COLEC12: variants seen among roughly 807,000 people sequenced by gnomAD.
COLEC12 encodes collectin-12.
A neutral mutation model predicts 71.1 loss-of-function variants in COLEC12; 33 were observed. The ratio of observed to expected loss-of-function variants is 0.46; its 90% confidence interval spans 0.35 to 0.62. The LOEUF (loss-of-function observed/expected upper bound fraction) is 0.62. Ranked by LOEUF, COLEC12 falls within the 20% of genes least tolerant of loss-of-function variation. The pLI is 0.00. For missense variants in COLEC12, 765 were observed against 916.1 expected (o/e 0.84, Z 2.13); for synonymous variants, 350 against 353.0 (o/e 0.99, Z 0.10).
chr18:406,275 C>T lies in COLEC12; in HGVS notation c.59-48753G>A, dbSNP rs371648375. 4.6e-4 allele frequency among the ~76,000 whole-genome samples: 70 copies of T among 152,136 alleles called. No individual in the cohort carries two copies. In the East Asian group the frequency reaches 0.012, roughly 25 times the overall value. ...CTGTAATCCCAGCACTTTGGGAGGC[C>T]GAGGCGGGTGGATCATGAGGTCAGG... On this transcript the variant is annotated intron_variant, in intron 2 of 9. Transcript: ENST00000400256.
At chr18:473,594 C>G (rs1256371363) in intron 2 of COLEC12, among the ~76,000 whole-genome samples, 1 of 152,166 alleles carries the variant, frequency 6.6e-6, no homozygotes, top group Non-Finnish European at 1.5e-5. Flanking sequence ...AACCCCTGAC[C>G]TCAGGTGATC....
intron 2 of COLEC12, chr18:424,460 T>C (rs2093572210): frequency 1.3e-5 from 2 of 152,246 alleles, no homozygotes; most frequent in African/African-American, 2.4e-5. Flanking sequence ...CTTGTTTAAA[T>C]GGTGCAGCCT....
At chr18:458,290 C>T (rs1175421580) in intron 2 of COLEC12, among the ~76,000 whole-genome samples, 4 of 152,188 alleles carry the variant, frequency 2.6e-5, no homozygotes, top group Non-Finnish European at 5.9e-5. Flanking sequence ...ATTTTTGCTT[C>T]TCATGTTAAG....
At chr18:341,985 T>C (rs1400668352) in intron 5 of COLEC12, among the ~76,000 whole-genome samples, 1 of 152,236 alleles carries the variant, frequency 6.6e-6, no homozygotes, top group Non-Finnish European at 1.5e-5. Flanking sequence ...TAGAAGCATG[T>C]GTGAGAAGTC....
intron 1 of COLEC12, among the ~76,000 whole-genome samples, chr18:486,070 T>TA (rs1374405508): frequency 2.0e-5 from 3 of 152,248 alleles, no homozygotes; most frequent in Admixed American, 6.5e-5. Flanking sequence ...AGGAAAAAGA[T>TA]AAAGTCTTTC....
intron 2 of COLEC12, among the ~76,000 whole-genome samples, chr18:374,644 C>T (rs887551211): frequency 8.5e-5 from 13 of 152,242 alleles, no homozygotes; most frequent in African/African-American, 1.7e-4. Context: ...AGTTTTGGGG[C>T]GGCTTGTTAT....
rs1137350 is a variant in COLEC12, at chr18:318,561, T to G, written c.*1484A>C. The G allele has an allele frequency of 6.7e-6, 1 of 149,106 alleles. No individual in the cohort carries two copies. Among genetic ancestry groups the G allele is most frequent in the Non-Finnish European group, 1.5e-5 (1 of 67,638 alleles). The allele number at this position is 149,106 out of a possible 1,614,324, so 9.2% of individuals were successfully genotyped here. ...AGGCTGGAGTGCAGTGGTGCGATCT[T>G]GGCTCACTGCAATCTCTGCCTCCTG... On this transcript the variant is annotated 3_prime_UTR_variant, in exon 10 of 10. Transcript: ENST00000400256.
At chr18:481,864 T>C (rs931631094) in intron 1 of COLEC12, among the ~76,000 whole-genome samples, 2 of 152,190 alleles carry the variant, frequency 1.3e-5, no homozygotes, top group Non-Finnish European at 2.9e-5. Flanking sequence ...GCAAGCACTG[T>C]GCAGACACAA....
chr18:463,584 G>A (rs1917026440), intron 2 of COLEC12, among the ~76,000 whole-genome samples: 2 of 152,120 alleles, frequency 1.3e-5, no homozygotes, highest in Non-Finnish European at 2.9e-5. Flanking sequence ...GCACAGCGGG[G>A]GCTCGGCTCT....
rs201423550 is a variant in COLEC12 at position 334,983 on chromosome 18, G to A, written c.1575C>T (p.Asp525=). 2 of 1,563,044 alleles carry A rather than the reference G, an allele frequency of 1.3e-6. No individual in the cohort carries two copies. The highest frequency in any genetic ancestry group is 1.2e-5 in the South Asian group (1 of 84,974). ...TGCCTGGTGGGCCCGGGGGGCCTGG[G>A]TCCCCACTGGAGCCCTGAGGGCCGG... ...GKPGPQGSSG[D]PGPPGPPGKE... Residue 525 remains aspartate, a synonymous_variant, in exon 6 of 10, where the codon GAC becomes GAT. Transcript: ENST00000400256.
At chr18:452,195 C>T (rs1008294348) in intron 2 of COLEC12, among the ~76,000 whole-genome samples, 7 of 152,164 alleles carry the variant, frequency 4.6e-5, no homozygotes, top group African/African-American at 1.7e-4. Flanking sequence ...TGGAAAAAAA[C>T]TTGAATTGTG....
chr18:444,909 T>G (rs960998231), intron 2 of COLEC12, among the ~76,000 whole-genome samples: 1 of 152,172 alleles, frequency 6.6e-6, no homozygotes, highest in Non-Finnish European at 1.5e-5. Flanking sequence ...CTTTTCCAGA[T>G]CTAGGAAACT....
At chr18:343,323 G>C (rs1414105708) in intron 5 of COLEC12, among the ~76,000 whole-genome samples, 2 of 152,110 alleles carry the variant, frequency 1.3e-5, no homozygotes, top group African/African-American at 4.8e-5. Flanking sequence ...CTCAGGTGGG[G>C]GAGGCCGGCC....
intron 2 of COLEC12, among the ~76,000 whole-genome samples, chr18:394,014 C>T (rs1348423579): frequency 1.3e-5 from 2 of 152,128 alleles, no homozygotes; most frequent in Non-Finnish European, 2.9e-5. Flanking sequence ...CAGGTGGTGG[C>T]GTCTGTCTTA....
chr18:475,530 A>T (rs2621165), intron 2 of COLEC12, among the ~76,000 whole-genome samples: 2 of 152,074 alleles, frequency 1.3e-5, no homozygotes, highest in Admixed American at 6.5e-5. Context: ...CTGCCCCGTA[A>T]AAGCCCAGCA....
intron 2 of COLEC12, among the ~76,000 whole-genome samples, chr18:389,906 T>C (rs1474622908): frequency 6.6e-6 from 1 of 152,196 alleles, no homozygotes; most frequent in Non-Finnish European, 1.5e-5. Flanking sequence ...CTCACAGATC[T>C]GGCCACAAAG....
In COLEC12 at chr18:319,337, A is replaced by AT. The variant is rs1263631595; in HGVS notation, c.*707_*708insA. 7.1e-4 allele frequency: 26 copies of AT among 36,424 alleles called. No individual in the cohort carries two copies. The highest frequency in any genetic ancestry group is 0.025 in the Middle Eastern group (1 of 40). 2.3% of individuals were successfully genotyped at this position (36,424 alleles called of 1,614,324 possible). A position where few individuals can be genotyped will look rare whatever the true frequency, so the allele number is the denominator to read the frequency against. On this transcript the variant is annotated 3_prime_UTR_variant, in exon 10 of 10. Coordinates refer to ENST00000400256, the MANE Select transcript of COLEC12 (RefSeq NM_130386.3). ...ATGAAACATTAAAAAAAAAAAAAAA[A>AT]AAAAATATATATATATATATATATA...
At chr18:350,546 GT>G (rs1168475400) in intron 3 of COLEC12, among the ~76,000 whole-genome samples, 10 of 152,106 alleles carry the variant, frequency 6.6e-5, no homozygotes, top group African/African-American at 2.2e-4. Context: ...ATAAGAGGAT[GT>G]TTCTCCAAAA....
At position 327,514 on chromosome 18, in the gene COLEC12, G is replaced by A. The variant is rs1360858839; in HGVS notation, c.2063+4154C>T. 3.3e-5 allele frequency among the ~76,000 whole-genome samples: 5 copies of A among 152,306 alleles called. No individual in the cohort carries two copies. In the East Asian group the frequency reaches 9.6e-4, roughly 29 times the overall value. ...TAAGATTCAGCAAGTCAGGTTGAGT[G>A]TTTCATGGGAAATAAGCCTGAGCTC... On this transcript the variant is annotated intron_variant, in intron 8 of 9. Transcript: ENST00000400256. The surrounding 1 kb of genome is among the most constrained non-coding windows in gnomAD (Gnocchi z 4.0).
Sources: allele counts gnomAD v4.1 joint callset (sites outside exome capture counted in the v4.1 genomes callset), GRCh38; gene constraint gnomAD v4.1.1; non-coding constraint Gnocchi (gnomAD v3.1); transcripts MANE v1.5; gene names NCBI Gene and HGNC (gene_info 2026-07-23, HGNC 2026-07-21).